GPR152: variants seen among roughly 807,000 people sequenced by gnomAD.
The protein encoded by GPR152 is G protein-coupled receptor 152.
For synonymous variants in GPR152, 278 were observed against 289.0 expected, an observed-to-expected ratio of 0.96 and a Z score of 0.39; for missense variants, 549 against 617.2, an observed-to-expected ratio of 0.89 and a Z score of 1.17.
chr11:67,451,941 C>T lies in GPR152; in HGVS notation c.784G>A (p.Ala262Thr), dbSNP rs1471755480. The T allele has an allele frequency of 6.2e-7, 1 of 1,610,224 alleles. No homozygotes were observed. The highest frequency in any genetic ancestry group is 8.5e-7 in the Non-Finnish European group (1 of 1,180,006). The change falls in exon 1 of 1, where the codon GCC becomes ACC. Residue 262 changes from alanine to threonine, a missense_variant. Ala to Thr is a moderately conservative substitution (Grantham distance 58). Coordinates refer to ENST00000312457, the MANE Select transcript of GPR152 (RefSeq NM_206997.1). Reference sequence around the variant, plus strand: ...CCAGAGTAGACGTCCCACAGGAAGGCCAGGTAGAGCAGCTGGGCCAGCTGG... The same window carrying T: ...CCAGAGTAGACGTCCCACAGGAAGGTCAGGTAGAGCAGCTGGGCCAGCTGG... Reference protein sequence around the residue: ...PYQLAQLLYLAFLWDVYSGYL... With the variant: ...PYQLAQLLYLTFLWDVYSGYL...
chr11:67,452,727 G>T lies in GPR152; in HGVS notation c.-3C>A. On this transcript the variant is annotated 5_prime_UTR_variant, in exon 1 of 1. Coordinates refer to ENST00000312457, the MANE Select transcript of GPR152 (RefSeq NM_206997.1). ...TCAGCTTCCATGGTAGTGTCCATTT[G>T]GGGTCCCCAGAGTCCTGCTGGACAC... 1 of 1,552,120 alleles carries T rather than the reference G, an allele frequency of 6.4e-7. No homozygotes were observed. The highest frequency in any genetic ancestry group is 1.4e-5 in the African/African-American group (1 of 73,320).
Position 67,451,466 on chromosome 11 carries a change from C to G in GPR152, c.1259G>C (p.Ser420Thr). The change falls in exon 1 of 1, where the codon AGT becomes ACT. Residue 420 changes from serine to threonine, a missense_variant. Physicochemically the swap from Ser to Thr is moderately conservative, Grantham distance 58. Coordinates refer to ENST00000312457, the MANE Select transcript of GPR152 (RefSeq NM_206997.1). ...TTCATCACAGGGACTGGGCACAGAA[C>G]TGGCAGCAGGTGCAGGGGTCTGGAC... Reference protein sequence around the residue: ...TNVQTPAPAASSVPSPCDEAS... With the variant: ...TNVQTPAPAATSVPSPCDEAS... 1 of 1,614,148 alleles carries G rather than the reference C, an allele frequency of 6.2e-7. No homozygotes were observed. The highest frequency in any genetic ancestry group is 8.5e-7 in the Non-Finnish European group (1 of 1,180,024).
chr11:67,451,534 C>T lies in GPR152; in HGVS notation c.1191G>A (p.Gln397=). Reference sequence around the variant, plus strand: ...GCTGGGCCACAGAATCTGACTGTGGCTGGGCCATGAGGTTCAGCTGTGGCT... The same window carrying T: ...GCTGGGCCACAGAATCTGACTGTGGTTGGGCCATGAGGTTCAGCTGTGGCT... ...TAQPQLNLMA[Q]PQSDSVAQPQ... Residue 397 remains glutamine, a synonymous_variant, in exon 1 of 1, where the codon CAG becomes CAA. Coordinates refer to ENST00000312457, the MANE Select transcript of GPR152 (RefSeq NM_206997.1). The T allele has an allele frequency of 6.2e-7, 1 of 1,613,968 alleles. No individual in the cohort carries two copies. Among genetic ancestry groups the T allele is most frequent in the Non-Finnish European group, 8.5e-7 (1 of 1,179,950 alleles).
At position 67,451,480 on chromosome 11, in the gene GPR152, A is replaced by T; in HGVS notation, c.1245T>A (p.Pro415=). The change falls in exon 1 of 1, where the codon CCT becomes CCA. Residue 415 remains proline, a synonymous_variant. Transcript: ENST00000312457. ...QPQADTNVQT[P]APAASSVPSP... is the part of the protein sequence containing the mutation. ...TGGGCACAGAACTGGCAGCAGGTGC[A>T]GGGGTCTGGACGTTAGTGTCTGCCT... The T allele has an allele frequency of 6.2e-7, 1 of 1,614,174 alleles. No homozygotes were observed. Among genetic ancestry groups the T allele is most frequent in the East Asian group, 2.2e-5 (1 of 44,878 alleles).
In GPR152 at chr11:67,452,355, C is replaced by T. The variant is rs372634169; in HGVS notation, c.370G>A (p.Ala124Thr). The T allele has an allele frequency of 2.5e-5, 41 of 1,611,698 alleles. No individual in the cohort carries two copies. Among genetic ancestry groups the T allele is most frequent in the East Asian group, 4.5e-5 (2 of 44,864 alleles). ...SYSSGLFLLAALSLDRCLLAL... is the reference protein window; with the variant it reads ...SYSSGLFLLATLSLDRCLLAL... ...AGCAGGCAGCGGTCGAGGCTGAGGG[C>T]GGCCAGCAGGAAGAGGCCGGAGGAG... Residue 124 changes from alanine to threonine, a missense_variant, in exon 1 of 1, where the codon GCC (alanine) becomes ACC (threonine). Coordinates refer to ENST00000312457, the MANE Select transcript of GPR152 (RefSeq NM_206997.1).
rs747030098 is a variant in GPR152, at chr11:67,452,523, G to GCGC, written c.199_201dup (p.Ala67dup). The GCGC allele has an allele frequency of 1.2e-5, 19 of 1,606,870 alleles. No individual in the cohort carries two copies. Among genetic ancestry groups the GCGC allele is most frequent in the Non-Finnish European group, 1.6e-5 (19 of 1,177,184 alleles). ...GAGAGGGCCAGGCTGAGCAGGAGCA[G>GCGC]CGCCAGACGCGTGCCAGCTCCATGC... On this transcript the variant is annotated inframe_insertion, in exon 1 of 1. Coordinates refer to ENST00000312457, the MANE Select transcript of GPR152 (RefSeq NM_206997.1).
chr11:67,451,320 G>A lies in GPR152; in HGVS notation c.1405C>T (p.Pro469Ser). 6.4e-7 allele frequency: 1 copy of A among 1,567,042 alleles called. No homozygotes were observed. ...TPPEAAPGAG[P>S]T ...TGCGTGTTCCTGGACCCTCACGTGG[G>A]GCCTGCGCCCGGGGCCGCCTCTGGC... Residue 469 changes from proline (P) to serine (S), a missense_variant, in exon 1 of 1, where the codon CCC (proline) becomes TCC (serine). By Grantham distance (74) the Pro-to-Ser change is moderately conservative (BLOSUM62 -1). Transcript: ENST00000312457.
In GPR152 at chr11:67,451,737, G is replaced by A; in HGVS notation, c.988C>T (p.Pro330Ser). The A allele has an allele frequency of 1.9e-6, 3 of 1,613,586 alleles. No individual in the cohort carries two copies. Among genetic ancestry groups the A allele is most frequent in the Non-Finnish European group, 2.5e-6 (3 of 1,180,028 alleles). ...CCCTCAGAATCTAGCTGGGTCTGTG[G>A]CTCAGTGGGCGTGAAGCTGCCCGGC... ...ERPGSFTPTE[P>S]QTQLDSEGPT... Residue 330 changes from proline (P) to serine (S), a missense_variant, in exon 1 of 1, where the codon CCA becomes TCA. By Grantham distance (74) the Pro-to-Ser change is moderately conservative. Coordinates refer to ENST00000312457, the MANE Select transcript of GPR152 (RefSeq NM_206997.1).
Position 67,452,122 on chromosome 11 carries a change from G to A in GPR152, c.603C>T (p.Gly201=), listed in dbSNP as rs1565157537. The stretch of plus-strand genomic sequence containing the variant: ...CGAGCAGCAGGAGGAAAGGCAGGAA[G>A]CCCCCCAGGACCTCCAGCATCCTCA... ...LSLRMLEVLG[G]FLPFLLLLVC... Residue 201 remains glycine, a synonymous_variant, in exon 1 of 1, where the codon GGC becomes GGT. Transcript: ENST00000312457. 2 of 1,611,680 alleles carry A rather than the reference G, an allele frequency of 1.2e-6. No homozygotes were observed. Among genetic ancestry groups the A allele is most frequent in the Non-Finnish European group, 1.7e-6 (2 of 1,179,890 alleles).
Position 67,451,941 on chromosome 11 carries a change from C to G in GPR152, c.784G>C (p.Ala262Pro). 6.2e-7 allele frequency: 1 copy of G among 1,610,342 alleles called. No individual in the cohort carries two copies. The highest frequency in any genetic ancestry group is 8.5e-7 in the Non-Finnish European group (1 of 1,179,998). The change falls in exon 1 of 1, where the codon GCC (alanine) becomes CCC (proline). Residue 262 changes from alanine to proline, a missense_variant. Transcript: ENST00000312457. ...CCAGAGTAGACGTCCCACAGGAAGG[C>G]CAGGTAGAGCAGCTGGGCCAGCTGG... ...PYQLAQLLYL[A>P]FLWDVYSGYL... is the part of the protein sequence containing the mutation.
chr11:67,451,738 C>G lies in GPR152; in HGVS notation c.987G>C (p.Glu329Asp). Residue 329 changes from glutamate (E) to aspartate (D), a missense_variant, in exon 1 of 1, where the codon GAG becomes GAC. Coordinates refer to ENST00000312457, the MANE Select transcript of GPR152 (RefSeq NM_206997.1). ...EERPGSFTPT[E>D]PQTQLDSEGP... Reference sequence around the variant, plus strand: ...CCTCAGAATCTAGCTGGGTCTGTGGCTCAGTGGGCGTGAAGCTGCCCGGCC... The same window carrying G: ...CCTCAGAATCTAGCTGGGTCTGTGGGTCAGTGGGCGTGAAGCTGCCCGGCC... 1 of 1,613,616 alleles carries G rather than the reference C, an allele frequency of 6.2e-7. No homozygotes were observed. Among genetic ancestry groups the G allele is most frequent in the Non-Finnish European group, 8.5e-7 (1 of 1,180,022 alleles).
Position 67,451,684 on chromosome 11 carries a change from C to A in GPR152, c.1041G>T (p.Glu347Asp). Residue 347 changes from glutamate to aspartate, a missense_variant, in exon 1 of 1, where the codon GAG (glutamate) becomes GAT (aspartate). Physicochemically the swap from Glu to Asp is conservative, Grantham distance 45 (BLOSUM62 2). Transcript: ENST00000312457. ...CCACAGGATCCATCTGTGACTGGGC[C>A]TCTGCCATCGGCTCTGGCAGAGTTG... ...EGPTLPEPMA[E>D]AQSQMDPVAQ... is the part of the protein sequence containing the mutation. The A allele has an allele frequency of 1.2e-6, 2 of 1,613,956 alleles. No individual in the cohort carries two copies. Among genetic ancestry groups the A allele is most frequent in the Non-Finnish European group, 1.7e-6 (2 of 1,180,040 alleles).
At position 67,452,490 on chromosome 11, in the gene GPR152, A is replaced by G; in HGVS notation, c.235T>C (p.Leu79=). The change falls in exon 1 of 1, where the codon TTG becomes CTG. Residue 79 remains leucine (L), a synonymous_variant. Transcript: ENST00000312457. ...LLLSLALSDF[L]FLAAAAFQIL... is the part of the protein sequence containing the mutation. The stretch of plus-strand genomic sequence containing the variant: ...TGGAAGGCCGCTGCTGCCAGGAACA[A>G]GAAGTCAGAGAGGGCCAGGCTGAGC... 2 of 1,611,422 alleles carry G rather than the reference A, an allele frequency of 1.2e-6. No individual in the cohort carries two copies. The highest frequency in any genetic ancestry group is 8.5e-7 in the Non-Finnish European group (1 of 1,179,270).
chr11:67,452,288 C>G lies in GPR152; in HGVS notation c.437G>C (p.Arg146Pro), dbSNP rs138530126. ...PHWYPGHRPV[R>P]LPLWVCAGVW... Reference sequence around the variant, plus strand: ...ACCGGCGCAGACCCAGAGGGGCAGGCGGACTGGGCGGTGCCCAGGGTACCA... The same window carrying G: ...ACCGGCGCAGACCCAGAGGGGCAGGGGGACTGGGCGGTGCCCAGGGTACCA... Residue 146 changes from arginine to proline, a missense_variant, in exon 1 of 1, where the codon CGC (arginine) becomes CCC (proline). Coordinates refer to ENST00000312457, the MANE Select transcript of GPR152 (RefSeq NM_206997.1). 2 of 1,608,314 alleles carry G rather than the reference C, an allele frequency of 1.2e-6. No homozygotes were observed. Among genetic ancestry groups the G allele is most frequent in the African/African-American group, 2.7e-5 (2 of 74,910 alleles).
Position 67,451,492 on chromosome 11 carries a change from G to A in GPR152, c.1233C>T (p.Asn411=), listed in dbSNP as rs139261568. Residue 411 remains asparagine (N), a synonymous_variant, in exon 1 of 1, where the codon AAC becomes AAT. Coordinates refer to ENST00000312457, the MANE Select transcript of GPR152 (RefSeq NM_206997.1). The part of the protein sequence containing the change: ...DSVAQPQADT[N]VQTPAPAASS... ...TGGCAGCAGGTGCAGGGGTCTGGACGTTAGTGTCTGCCTGTGGCTGGGCCA... is the reference window on the plus strand; with the variant it reads ...TGGCAGCAGGTGCAGGGGTCTGGACATTAGTGTCTGCCTGTGGCTGGGCCA... 199 of 1,614,170 alleles carry A rather than the reference G, an allele frequency of 1.2e-4. No homozygotes were observed. In the African/African-American group the frequency reaches 2.4e-3, roughly 20 times the overall value.
Position 67,451,958 on chromosome 11 carries a change from G to C in GPR152, c.767C>G (p.Ala256Gly), listed in dbSNP as rs772508783. 1.2e-6 allele frequency: 2 copies of C among 1,610,408 alleles called. No homozygotes were observed. The highest frequency in any genetic ancestry group is 1.7e-6 in the Non-Finnish European group (2 of 1,180,006). ...CAGGAAGGCCAGGTAGAGCAGCTGG[G>C]CCAGCTGGTAGGGCAGCCTCAGGAC... ...YVVLRLPYQL[A>G]QLLYLAFLWD... The change falls in exon 1 of 1, where the codon GCC becomes GGC. Residue 256 changes from alanine to glycine, a missense_variant. Transcript: ENST00000312457.
chr11:67,451,696 C>T lies in GPR152; in HGVS notation c.1029G>A (p.Glu343=). 3.7e-6 allele frequency: 6 copies of T among 1,613,924 alleles called. No homozygotes were observed. Among genetic ancestry groups the T allele is most frequent in the Non-Finnish European group, 5.1e-6 (6 of 1,180,044 alleles). Residue 343 remains glutamate, a synonymous_variant, in exon 1 of 1, where the codon GAG becomes GAA. Coordinates refer to ENST00000312457, the MANE Select transcript of GPR152 (RefSeq NM_206997.1). ...TCTGTGACTGGGCCTCTGCCATCGG[C>T]TCTGGCAGAGTTGGACCCTCAGAAT... is the stretch of plus-strand genomic sequence containing the variant. The part of the protein sequence containing the change: ...QLDSEGPTLP[E]PMAEAQSQMD...
In GPR152 at chr11:67,451,991, G is replaced by C. The variant is rs202045202; in HGVS notation, c.734C>G (p.Ala245Gly). The C allele has an allele frequency of 1.9e-6, 3 of 1,611,748 alleles. No homozygotes were observed. Among genetic ancestry groups the C allele is most frequent in the Middle Eastern group, 1.7e-4 (1 of 6,052 alleles). Residue 245 changes from alanine (A) to glycine (G), a missense_variant, in exon 1 of 1, where the codon GCC becomes GGC. Ala to Gly is a moderately conservative substitution (Grantham distance 60). Coordinates refer to ENST00000312457, the MANE Select transcript of GPR152 (RefSeq NM_206997.1). Reference protein sequence around the residue: ...FARVARTILSAYVVLRLPYQL... With the variant: ...FARVARTILSGYVVLRLPYQL... ...GTAGGGCAGCCTCAGGACCACATAG[G>C]CTGACAGAATGGTCCTGGCCACACG...
At position 67,451,760 on chromosome 11, in the gene GPR152, G is replaced by A. The variant is rs141645709; in HGVS notation, c.965C>T (p.Pro322Leu). 26 of 1,613,282 alleles carry A rather than the reference G, an allele frequency of 1.6e-5. No homozygotes were observed. In the African/African-American group the frequency reaches 2.1e-4, roughly 13 times the overall value. Reference sequence around the variant, plus strand: ...TGGCTCAGTGGGCGTGAAGCTGCCCGGCCGCTCCTCGCAGAGAGCTGCCGC... The same window carrying A: ...TGGCTCAGTGGGCGTGAAGCTGCCCAGCCGCTCCTCGCAGAGAGCTGCCGC... Reference protein sequence around the residue: ...SFAAALCEERPGSFTPTEPQT... With the variant: ...SFAAALCEERLGSFTPTEPQT... The change falls in exon 1 of 1, where the codon CCG (proline) becomes CTG (leucine). Residue 322 changes from proline (P) to leucine (L), a missense_variant. Coordinates refer to ENST00000312457, the MANE Select transcript of GPR152 (RefSeq NM_206997.1).
Sources: gnomAD v4.1 joint callset for allele counts on GRCh38, gnomAD v4.1.1 for gene constraint, MANE v1.5 for transcripts, NCBI Gene and HGNC (gene_info 2026-07-23, HGNC 2026-07-21) for gene names.